RABL2B: variants seen among roughly 807,000 people sequenced by gnomAD.
RABL2B encodes rab-like protein 2B.
Under a neutral mutation model 26.7 loss-of-function variants are expected in RABL2B, and 17 were observed. The ratio of observed to expected loss-of-function variants is 0.64; its 90% confidence interval spans 0.44 to 0.95. The LOEUF (loss-of-function observed/expected upper bound fraction) is 0.95, where lower values mean the gene tolerates loss of function less well. RABL2B is among the 40% of genes least tolerant of loss of function. The probability of loss-of-function intolerance (pLI) is 0.00; values close to 1 mark genes in which losing one functional copy is unlikely to be tolerated. For missense variants in RABL2B, 170 were observed against 277.2 expected (o/e 0.61, Z 2.75); for synonymous variants, 70 against 103.9 (o/e 0.67, Z 1.99).
chr22:50,769,317 C>G, intron 7 of RABL2B, 138 bp downstream of exon 7: 1 of 1,586,354 alleles, frequency 6.3e-7, no homozygotes, highest in African/African-American at 1.3e-5. Flanking sequence ...GGCCCATCAG[C>G]TCCTCCCCTC....
chr22:50,770,436 G>C lies in RABL2B; in HGVS notation c.298-420C>G, dbSNP rs1436060229. The C allele has an allele frequency of 1.2e-5, 3 of 245,778 alleles. No individual in the cohort carries two copies. In the Admixed American group the frequency reaches 1.5e-4, roughly 13 times the overall value. The allele number at this position is 245,778 out of a possible 1,614,324, so 15.2% of individuals were successfully genotyped here. A position where few individuals can be genotyped will look rare whatever the true frequency, so the allele number is the denominator to read the frequency against. ...GGAGGCTGAGGCAGGAGAATTGCTT[G>C]AACTAGGGAGACAGAGGTTGCAGCG... On this transcript the variant is annotated intron_variant, in intron 5 of 8. Transcript: ENST00000691320.
chr22:50,781,055 CA>C (rs1214841410), intron 2 of RABL2B, among the ~76,000 whole-genome samples: 17 of 152,010 alleles, frequency 1.1e-4, no homozygotes, highest in Non-Finnish European at 2.4e-4. Flanking sequence ...AATACTAAAC[CA>C]GAGGCCGGGC....
chr22:50,778,340 C>T (rs561464720), intron 2 of RABL2B, among the ~76,000 whole-genome samples: 13 of 151,732 alleles, frequency 8.6e-5, no homozygotes, highest in African/African-American at 7.3e-5. Flanking sequence ...CGGTCGGGCG[C>T]GGTGGCTCAC....
At chr22:50,776,196 G>A (rs1410692099) in intron 4 of RABL2B, among the ~76,000 whole-genome samples, 1 of 152,156 alleles carries the variant, frequency 6.6e-6, no homozygotes, top group Non-Finnish European at 1.5e-5. Context: ...TCTCACGTGC[G>A]CTGACCACAG....
intron 5 of RABL2B, among the ~76,000 whole-genome samples, chr22:50,773,802 T>C (rs1203897937): frequency 1.3e-5 from 2 of 151,654 alleles, no homozygotes; most frequent in Non-Finnish European, 2.9e-5. Context: ...TCTCTCTCAG[T>C]GCCAAGGTAA....
chr22:50,783,051 GAGAGAGCGAC>G (rs1555931742), intron 1 of RABL2B: 2 of 151,754 alleles, frequency 1.3e-5, no homozygotes. Flanking sequence ...GTACCCTGTA[GAGAGAGCGAC>G]AGAAAGCCAA....
chr22:50,769,231 A>C, intron 7 of RABL2B, 107 bp from the exon 8 acceptor site: 1 of 622,912 alleles, frequency 1.6e-6, no homozygotes, highest in East Asian at 2.8e-5. Flanking sequence ...AAAATCAGCA[A>C]CCTTACCCCT....
intron 2 of RABL2B, among the ~76,000 whole-genome samples, chr22:50,781,566 G>A (rs1191501339): frequency 2.6e-5 from 4 of 152,122 alleles, no homozygotes; most frequent in African/African-American, 9.7e-5. Context: ...AGATAAACGT[G>A]ACCACTTCTC....
intron 2 of RABL2B, among the ~76,000 whole-genome samples, chr22:50,781,381 A>G (rs1236972918): frequency 3.9e-4 from 54 of 136,860 alleles, no homozygotes; most frequent in African/African-American, 1.4e-3. Context: ...GAGCTGCAGT[A>G]TGTGATTGTG....
At chr22:50,781,656 G>C (rs1204414637) in intron 2 of RABL2B, among the ~76,000 whole-genome samples, 2 of 152,154 alleles carry the variant, frequency 1.3e-5, no homozygotes, top group African/African-American at 2.4e-5. Context: ...GTGAGAACTA[G>C]GACGTCTCAT....
At chr22:50,775,934 C>G in intron 4 of RABL2B, 83 bp from the exon 5 acceptor site, 1 of 1,516,598 alleles carries the variant, frequency 6.6e-7, no homozygotes, top group Non-Finnish European at 9.2e-7. Context: ...GCGGCACAAA[C>G]CACAGCACAT....
At chr22:50,769,779 G>GGTT in intron 6 of RABL2B, 126 bp downstream of exon 6, 1 of 992,978 alleles carries the variant, frequency 1.0e-6, no homozygotes, top group East Asian at 2.6e-5. Flanking sequence ...ACCAACCAAG[G>GGTT]GTTGTATCTT....
At chr22:50,769,620 C>G (rs1555916777) in intron 6 of RABL2B, 68 bp from the exon 7 acceptor site, 1 of 1,606,042 alleles carries the variant, frequency 6.2e-7, no homozygotes, top group African/African-American at 1.3e-5. Flanking sequence ...AGGGGGGGGC[C>G]ACTGGAGGCC....
Position 50,776,729 on chromosome 22 carries a change from G to A in RABL2B, c.158C>T (p.Thr53Met), listed in dbSNP as rs781788624. 15 of 1,610,756 alleles carry A rather than the reference G, an allele frequency of 9.3e-6. No individual in the cohort carries two copies. Among genetic ancestry groups the A allele is most frequent in the African/African-American group, 6.7e-5 (5 of 74,780 alleles). The change falls in exon 4 of 9, where the codon ACG (threonine) becomes ATG (methionine). Residue 53 changes from threonine (T) to methionine (M), a missense_variant. Physicochemically the swap from Thr to Met is moderately conservative, Grantham distance 81. Transcript: ENST00000691320. ...GTGCTTGTACAGGGTCAGGGCGTAC[G>A]TGGACAGCTGCTGTGGCTGACTGCA... The part of the protein sequence containing the change: ...MDGFQPQQLS[T>M]YALTLYKHTA...
chr22:50,774,652 C>G (rs1459820664), intron 5 of RABL2B, among the ~76,000 whole-genome samples: 6 of 150,080 alleles, frequency 4.0e-5, no homozygotes, highest in Non-Finnish European at 7.4e-5. Context: ...TGTGTTAAAG[C>G]AAGACCTTGA....
At chr22:50,773,968 C>T (rs2084581342) in intron 5 of RABL2B, among the ~76,000 whole-genome samples, 1 of 152,030 alleles carries the variant, frequency 6.6e-6, no homozygotes, top group African/African-American at 2.4e-5. Flanking sequence ...GATCTCGGCT[C>T]ACTGCAAGCT....
intron 5 of RABL2B, among the ~76,000 whole-genome samples, chr22:50,774,101 T>G (rs1217357092): frequency 6.6e-6 from 1 of 152,176 alleles, no homozygotes; most frequent in Non-Finnish European, 1.5e-5. Flanking sequence ...TTCACCGTGT[T>G]AGCCAGGATG....
At chr22:50,775,889 C>T (rs1402976975) in intron 4 of RABL2B, 38 bp from the exon 5 acceptor site, 14 of 1,614,006 alleles carry the variant, frequency 8.7e-6, no homozygotes, top group African/African-American at 1.3e-5. Flanking sequence ...ATGCCTGGTG[C>T]ACTTCTGTGC....
intron 5 of RABL2B, among the ~76,000 whole-genome samples, chr22:50,775,293 T>C (rs1408895337): frequency 1.3e-5 from 2 of 152,014 alleles, no homozygotes; most frequent in Non-Finnish European, 2.9e-5. Context: ...GGGGGAGCCG[T>C]GAGGACTGCG....
Sources: gnomAD v4.1 joint callset for allele counts (sites outside exome capture counted in the v4.1 genomes callset) on GRCh38, gnomAD v4.1.1 for gene constraint, MANE v1.5 for transcripts, NCBI Gene and HGNC (gene_info 2026-07-23, HGNC 2026-07-21) for gene names.